HMGCLL1: variants seen among roughly 807,000 people sequenced by gnomAD.
HMGCLL1 encodes the protein 3-hydroxy-3-methylglutaryl-CoA lyase like 1, also known as 3-hydroxymethyl-3-methylglutaryl-CoA lyase, cytoplasmic.
HMGCLL1 carries 36 observed loss-of-function variants against 39.1 expected under a neutral mutation model. The ratio of observed to expected loss-of-function variants is 0.92; its 90% CI spans 0.71 to 1.22. The LOEUF is 1.22. HMGCLL1 is among the 50% of genes most tolerant of loss of function. The pLI, the probability that HMGCLL1 is intolerant of heterozygous loss-of-function variation, is 0.00. For missense variants in HMGCLL1, 451 were observed against 416.5 expected (o/e 1.08, Z -0.72); for synonymous variants, 149 against 144.0 (o/e 1.03, Z -0.25).
In HMGCLL1 at chr6:55,543,386, TATA is replaced by T. The variant is rs1315061519; in HGVS notation, c.109-1249_109-1247del. Among the ~76,000 whole-genome samples, 23 of 95,778 alleles carry T rather than the reference TATA, an allele frequency of 2.4e-4. 1 individual carries two copies. The highest frequency in any genetic ancestry group is 1.1e-3 in the African/African-American group (23 of 21,772). The allele number at this position is 95,778 out of a possible 152,430, so 62.8% of individuals were successfully genotyped here. ...TATATATTATATATATTATATGATA[TATA>T]ATATCTCATATATAATATAAAATCA... On this transcript the variant is annotated intron_variant, in intron 1 of 8. Coordinates refer to ENST00000274901, the MANE Select transcript of HMGCLL1 (RefSeq NM_001042406.2).
intron 1 of HMGCLL1, among the ~76,000 whole-genome samples, chr6:55,543,470 CATATATAATAT>C (rs1206989813): frequency 3.4e-4 from 3 of 8,788 alleles, no homozygotes; most frequent in African/African-American, 5.0e-4. Context: ...TCATATATAT[CATATATAATAT>C]ATATATGATA....
At chr6:55,450,277 T>C (rs1436724720) in intron 7 of HMGCLL1, among the ~76,000 whole-genome samples, 1 of 152,220 alleles carries the variant, frequency 6.6e-6, no homozygotes, top group Non-Finnish European at 1.5e-5. Context: ...AGTTGATCAT[T>C]TCAGCAGAAT....
chr6:55,502,838 T>G (rs1459270888), intron 5 of HMGCLL1, among the ~76,000 whole-genome samples: 1 of 151,614 alleles, frequency 6.6e-6, no homozygotes, highest in Non-Finnish European at 1.5e-5. Flanking sequence ...TGAATTTTAT[T>G]TTTCTCATCC....
chr6:55,563,852 T>C (rs12212353), intron 1 of HMGCLL1: 315,301 of 1,284,854 alleles, frequency 0.25, 39,798 homozygotes, highest in Admixed American at 0.27. Context: ...CCCTCAAATA[T>C]GATGGGGATC....
chr6:55,618,410 C>T, the HMGCLL1 span, among the ~76,000 whole-genome samples: 1 of 150,694 alleles, frequency 6.6e-6, no homozygotes, highest in African/African-American at 2.4e-5. Flanking sequence ...CTCTAGTGGA[C>T]TTCTAGTAAG....
chr6:55,523,788 A>G (rs897365397), intron 3 of HMGCLL1, among the ~76,000 whole-genome samples: 1 of 151,988 alleles, frequency 6.6e-6, no homozygotes, highest in Non-Finnish European at 1.5e-5. Flanking sequence ...AAGGAGAAAC[A>G]AAATTCAAAA....
the HMGCLL1 span, among the ~76,000 whole-genome samples, chr6:55,660,833 C>T: frequency 0.043 from 6,510 of 151,926 alleles, 171 homozygotes; most frequent in Non-Finnish European, 0.055. Flanking sequence ...TTTACACTAC[C>T]GCCAATGGAT....
intron 8 of HMGCLL1, among the ~76,000 whole-genome samples, chr6:55,439,119 G>GTT (rs1763487352): frequency 6.6e-6 from 1 of 151,910 alleles, no homozygotes; most frequent in Non-Finnish European, 1.5e-5. Flanking sequence ...CTCAACAATC[G>GTT]TAACAGCAAA....
intron 1 of HMGCLL1, among the ~76,000 whole-genome samples, chr6:55,575,741 T>C (rs1392332651): frequency 3.3e-5 from 5 of 151,320 alleles, no homozygotes; most frequent in Non-Finnish European, 7.4e-5. Flanking sequence ...ATTAAACTAC[T>C]ATGAGGTCCT....
intron 7 of HMGCLL1, among the ~76,000 whole-genome samples, chr6:55,477,333 AAT>A (rs1228820494): frequency 5.2e-4 from 18 of 34,518 alleles, no homozygotes; most frequent in African/African-American, 2.3e-3. Flanking sequence ...TATATTATAT[AAT>A]ATATATTATA....
At chr6:55,592,693 T>C in the HMGCLL1 span, among the ~76,000 whole-genome samples, 3 of 152,102 alleles carry the variant, frequency 2.0e-5, no homozygotes, top group African/African-American at 7.2e-5. Flanking sequence ...GAACCACTGG[T>C]TTAAATAATG....
At chr6:55,497,880 A>T (rs1218449708) in intron 6 of HMGCLL1, among the ~76,000 whole-genome samples, 2 of 152,200 alleles carry the variant, frequency 1.3e-5, no homozygotes, top group Non-Finnish European at 2.9e-5. Flanking sequence ...TGCAAAGGAC[A>T]GTGTAATGAG....
At chr6:55,599,253 A>T in the HMGCLL1 span, among the ~76,000 whole-genome samples, 1 of 152,154 alleles carries the variant, frequency 6.6e-6, no homozygotes, top group East Asian at 1.9e-4. Flanking sequence ...CCCAGAACTT[A>T]AAGTATAATT....
At chr6:55,609,669 G>A in the HMGCLL1 span, among the ~76,000 whole-genome samples, 2 of 152,158 alleles carry the variant, frequency 1.3e-5, no homozygotes, top group Non-Finnish European at 2.9e-5. Context: ...CGTCCACCAA[G>A]GGACAGCCAA....
At chr6:55,491,153 A>G (rs1324329116) in intron 7 of HMGCLL1, among the ~76,000 whole-genome samples, 1 of 152,178 alleles carries the variant, frequency 6.6e-6, no homozygotes, top group East Asian at 1.9e-4. Context: ...CTGAGAAACA[A>G]AGAGGTTTAT....
the HMGCLL1 span, among the ~76,000 whole-genome samples, chr6:55,645,463 C>T: frequency 6.6e-6 from 1 of 151,940 alleles, no homozygotes; most frequent in East Asian, 1.9e-4. Flanking sequence ...AAGTGGGCAT[C>T]CTTGTCACAT....
chr6:55,595,248 A>G, the HMGCLL1 span, among the ~76,000 whole-genome samples: 1 of 152,368 alleles, frequency 6.6e-6, no homozygotes, highest in East Asian at 1.9e-4. Flanking sequence ...AAATATAAGT[A>G]GAGAGATGAA....
the HMGCLL1 span, among the ~76,000 whole-genome samples, chr6:55,603,002 A>G: frequency 6.6e-6 from 1 of 152,048 alleles, no homozygotes; most frequent in African/African-American, 2.4e-5. Context: ...TTCCCATGTA[A>G]TGATGCTGCT....
intron 3 of HMGCLL1, among the ~76,000 whole-genome samples, chr6:55,536,604 G>A (rs1047249883): frequency 6.6e-6 from 1 of 152,084 alleles, no homozygotes; most frequent in Non-Finnish European, 1.5e-5. Context: ...CCATCTGAGC[G>A]AGGGGCTATC....
Sources: gnomAD v4.1 joint callset for allele counts (sites outside exome capture counted in the v4.1 genomes callset) on GRCh38, gnomAD v4.1.1 for gene constraint, MANE v1.5 for transcripts, NCBI Gene and HGNC (gene_info 2026-07-23, HGNC 2026-07-21) for gene names.